The following C8B variants were observed in gnomAD, a reference collection of about 807,000 sequenced individuals.
The protein encoded by C8B is complement C8 beta chain.
Under a neutral mutation model 64.6 loss-of-function variants are expected in C8B, and 67 were observed. The ratio of observed to expected loss-of-function variants is 1.04; its 90% CI spans 0.85 to 1.27. The LOEUF is 1.27. C8B is among the 50% of genes most tolerant of loss of function. C8B has a pLI of 0.00. For missense variants in C8B, 790 were observed against 725.2 expected, an observed-to-expected ratio of 1.09 and a Z score of -1.03; for synonymous variants, 284 against 257.7, an observed-to-expected ratio of 1.10 and a Z score of -0.98.
At position 56,960,085 on chromosome 1, in the gene C8B, G is replaced by T. The variant is rs1169407373; in HGVS notation, c.184C>A (p.Pro62Thr). The change falls in exon 2 of 12, where the codon CCC becomes ACC. Residue 62 changes from proline (P) to threonine (T), a missense_variant. By Grantham distance (38) the Pro-to-Thr change is conservative. Coordinates refer to ENST00000371237, the MANE Select transcript of C8B (RefSeq NM_000066.4). ...CAACTAGACAGCTCACAATCAATGG[G>T]CATCAGGGTAACATCCACACTCCGC... ...QMRSVDVTLM[P>T]IDCELSSWSS... 1.2e-6 allele frequency: 2 copies of T among 1,614,064 alleles called. No homozygotes were observed. The highest frequency in any genetic ancestry group is 2.2e-5 in the East Asian group (1 of 44,858).
At chr1:56,959,401 C>T in intron 2 of C8B, 2 of 658,066 alleles carry the variant, frequency 3.0e-6, no homozygotes, top group Middle Eastern at 2.5e-4. Context: ...TAAAAGATTG[C>T]TTTATCCAAC....
intron 5 of C8B, among the ~76,000 whole-genome samples, chr1:56,950,969 C>T (rs1384111467): frequency 6.6e-6 from 1 of 152,140 alleles, no homozygotes; most frequent in Admixed American, 6.5e-5. Flanking sequence ...GCACTGGACA[C>T]CCCAATGGAG....
At chr1:56,948,103 A>G (rs1429981222) in intron 6 of C8B, among the ~76,000 whole-genome samples, 1 of 152,200 alleles carries the variant, frequency 6.6e-6, no homozygotes, top group Non-Finnish European at 1.5e-5. Context: ...CAGTGCTAAC[A>G]TCCTATAACT....
chr1:56,965,213 C>T (rs2236216), intron 1 of C8B, among the ~76,000 whole-genome samples: 31,474 of 152,054 alleles, frequency 0.21, 4,096 homozygotes, highest in East Asian at 0.38. Context: ...CTCATGCACA[C>T]GGAGCATCCC....
chr1:56,963,938 A>G (rs1212054818), intron 1 of C8B: 2 of 985,202 alleles, frequency 2.0e-6, no homozygotes, highest in South Asian at 4.7e-5. Context: ...TGGTCTCAGC[A>G]TTTTCTGTTC....
In C8B at chr1:56,929,341, G is replaced by A. The variant is rs1300626060; in HGVS notation, c.*63C>T. On this transcript the variant is annotated 3_prime_UTR_variant, in exon 12 of 12. Transcript: ENST00000371237. ...CAGGTGGAAACTGGTGTAGGGCTGA[G>A]CTGGCATGAGTTCTTGAGGGCTCAG... 43 of 1,569,780 alleles carry A rather than the reference G, an allele frequency of 2.7e-5. No individual in the cohort carries two copies. The highest frequency in any genetic ancestry group is 3.7e-5 in the Non-Finnish European group (42 of 1,141,572).
At chr1:56,958,147 G>A (rs1333464137) in intron 2 of C8B, among the ~76,000 whole-genome samples, 2 of 152,120 alleles carry the variant, frequency 1.3e-5, no homozygotes, top group African/African-American at 4.8e-5. Flanking sequence ...TAACACAGGG[G>A]CCTCCAGGCC....
At chr1:56,946,152 T>G in intron 6 of C8B, 91 bp from the exon 7 acceptor site, 7 of 1,495,792 alleles carry the variant, frequency 4.7e-6, no homozygotes, top group Non-Finnish European at 5.5e-6. Context: ...TCCGATGTTC[T>G]TGGCCTGGGG....
intron 9 of C8B, among the ~76,000 whole-genome samples, chr1:56,937,247 C>T (rs913794647): frequency 6.6e-6 from 1 of 152,102 alleles, no homozygotes; most frequent in African/African-American, 2.4e-5. Context: ...GTGACTTGTC[C>T]CACTCTTTTA....
chr1:56,942,461 G>C (rs1455616761), intron 8 of C8B, among the ~76,000 whole-genome samples: 1 of 152,102 alleles, frequency 6.6e-6, no homozygotes, highest in Non-Finnish European at 1.5e-5. Context: ...CAGCACTTTG[G>C]GAGGCCGAGG....
chr1:56,935,133 T>C (rs536264462), intron 9 of C8B, among the ~76,000 whole-genome samples: 7 of 152,322 alleles, frequency 4.6e-5, no homozygotes, highest in African/African-American at 9.6e-5. Context: ...AGAATTCTAT[T>C]CCAAAACCTG....
chr1:56,929,240 C>A lies in C8B; in HGVS notation c.*164G>T. The stretch of plus-strand genomic sequence containing the variant: ...CCTTTAACTCAGTATTTATTTAAAT[C>A]AACTTGCATTTTACAAGGTAACATC... On this transcript the variant is annotated 3_prime_UTR_variant, in exon 12 of 12. Transcript: ENST00000371237. 1.4e-6 allele frequency: 1 copy of A among 716,508 alleles called. No individual in the cohort carries two copies. The allele number at this position is 716,508 out of a possible 1,614,324, so 44.4% of individuals were successfully genotyped here.
chr1:56,960,434 A>T lies in C8B; in HGVS notation c.93-258T>A, dbSNP rs3736796. On this transcript the variant is annotated intron_variant, in intron 1 of 11. Coordinates refer to ENST00000371237, the MANE Select transcript of C8B (RefSeq NM_000066.4). ...TTAATCCAACAAATATTTATTGAAC[A>T]TGTAGTAAGCACCTAACATTATGGC... 1.8e-4 allele frequency among the ~76,000 whole-genome samples: 28 copies of T among 152,354 alleles called. 1 individual carries two copies. In the East Asian group the frequency reaches 5.2e-3, roughly 28 times the overall value.
At chr1:56,959,465 G>C in intron 2 of C8B, 2 of 989,790 alleles carry the variant, frequency 2.0e-6, no homozygotes, top group Non-Finnish European at 3.1e-6. Context: ...GGCAGCTCCT[G>C]AGTAGGAGTT....
chr1:56,930,463 C>T (rs1039154938), intron 11 of C8B, among the ~76,000 whole-genome samples: 6 of 152,176 alleles, frequency 3.9e-5, no homozygotes, highest in African/African-American at 1.4e-4. Flanking sequence ...AAGGGCTCCT[C>T]CAACCAATAG....
intron 11 of C8B, 120 bp downstream of exon 11, chr1:56,931,690 T>G (rs1328628902): frequency 7.2e-6 from 5 of 695,402 alleles, no homozygotes; most frequent in Non-Finnish European, 1.3e-5. Context: ...AAGCTGAGTT[T>G]AAGCAGGATG....
At chr1:56,965,798 G>A (rs1645247216) in intron 1 of C8B, 59 bp downstream of exon 1, 1 of 1,581,992 alleles carries the variant, frequency 6.3e-7, no homozygotes, top group Non-Finnish European at 8.7e-7. Context: ...TCAGCATCAT[G>A]TGGCTGCACC....
At chr1:56,962,369 C>A (rs1396438610) in intron 1 of C8B, among the ~76,000 whole-genome samples, 2 of 152,172 alleles carry the variant, frequency 1.3e-5, no homozygotes, top group African/African-American at 4.8e-5. Flanking sequence ...AAATGCAAAT[C>A]TGAAAGAAAG....
chr1:56,961,355 C>T (rs1645177753), intron 1 of C8B, among the ~76,000 whole-genome samples: 1 of 152,214 alleles, frequency 6.6e-6, no homozygotes, highest in Non-Finnish European at 1.5e-5. Context: ...CCCAGCATCA[C>T]CCACGCTATC....
Sources: gnomAD v4.1 joint callset for allele counts (sites outside exome capture counted in the v4.1 genomes callset) on GRCh38, gnomAD v4.1.1 for gene constraint, MANE v1.5 for transcripts, NCBI Gene and HGNC (gene_info 2026-07-23, HGNC 2026-07-21) for gene names.